LY6S: variants seen among roughly 807,000 people sequenced by gnomAD.
LY6S encodes the protein lymphocyte antigen 6 family member S, also known as lymphocyte antigen 6S.
At chr8:143,044,272 G>T in the LY6S span, 1 of 455,862 alleles carries the variant, frequency 2.2e-6, no homozygotes, top group South Asian at 1.5e-5. Context: ...AAGGGGCAGA[G>T]GTCACTGGGG....
the LY6S span, chr8:143,057,103 G>T: frequency 3.1e-6 from 1 of 318,224 alleles, no homozygotes; most frequent in Non-Finnish European, 6.4e-6. Flanking sequence ...TGCAACTTTA[G>T]TTGGTAGGAA....
the LY6S span, among the ~76,000 whole-genome samples, chr8:143,061,775 C>T: frequency 6.6e-6 from 1 of 152,194 alleles, no homozygotes; most frequent in African/African-American, 2.4e-5. Context: ...AACTCCTGAC[C>T]TCAGGTGATG....
At chr8:143,053,362 C>T in the LY6S span, 1 of 152,184 alleles carries the variant, frequency 6.6e-6, no homozygotes, top group Non-Finnish European at 1.5e-5. Flanking sequence ...CTGCCGTGCT[C>T]TAGGTGCTTT....
chr8:143,055,191 T>C, the LY6S span, among the ~76,000 whole-genome samples: 1 of 152,120 alleles, frequency 6.6e-6, no homozygotes, highest in Non-Finnish European at 1.5e-5. Context: ...AGACCAACTT[T>C]GTTTTTTTTT....
At chr8:143,043,649 G>C in the LY6S span, among the ~76,000 whole-genome samples, 1 of 152,024 alleles carries the variant, frequency 6.6e-6, no homozygotes, top group African/African-American at 2.4e-5. Flanking sequence ...TTGGGAAACA[G>C]CTGCGGGCTC....
At chr8:143,053,349 C>T in the LY6S span, 48 of 152,286 alleles carry the variant, frequency 3.2e-4, no homozygotes, top group Non-Finnish European at 5.7e-4. Context: ...TCTTGGTGCT[C>T]GCCTGCCGTG....
chr8:143,056,077 T>C, the LY6S span, among the ~76,000 whole-genome samples: 1 of 151,542 alleles, frequency 6.6e-6, no homozygotes, highest in African/African-American at 2.4e-5. Context: ...CTCATCTGTT[T>C]ACTCATGACA....
At chr8:143,050,948 G>A in the LY6S span, among the ~76,000 whole-genome samples, 9 of 152,364 alleles carry the variant, frequency 5.9e-5, no homozygotes, top group South Asian at 1.4e-3. Context: ...CTTCACGGGT[G>A]TGCGGACTCC....
chr8:143,060,961 C>T, the LY6S span, among the ~76,000 whole-genome samples: 13 of 143,488 alleles, frequency 9.1e-5, no homozygotes, highest in Non-Finnish European at 7.5e-5. Flanking sequence ...AAAAGAATAC[C>T]GTAAAGGAAA....
At chr8:143,057,646 G>A in the LY6S span, 1 of 1,011,240 alleles carries the variant, frequency 9.9e-7, no homozygotes, top group Non-Finnish European at 1.6e-6. Context: ...TGGGAGGGTT[G>A]AATTCAATGT....
the LY6S span, chr8:143,057,581 T>C: frequency 7.8e-7 from 1 of 1,280,788 alleles, no homozygotes; most frequent in Non-Finnish European, 1.1e-6. Flanking sequence ...CTCTGGTTTA[T>C]CATCCTCATG....
At chr8:143,043,256 G>T in the LY6S span, 1 of 1,363,356 alleles carries the variant, frequency 7.3e-7, no homozygotes, top group South Asian at 1.1e-5. Context: ...AGTCCACAAC[G>T]GCACTTGTAA....
chr8:143,052,377 A>G, the LY6S span, among the ~76,000 whole-genome samples: 1 of 152,174 alleles, frequency 6.6e-6, no homozygotes, highest in African/African-American at 2.4e-5. Flanking sequence ...TGGCAACCAC[A>G]ATAGAGTCAC....
chr8:143,054,155 A>G, the LY6S span: 1 of 151,972 alleles, frequency 6.6e-6, no homozygotes, highest in African/African-American at 2.4e-5. Flanking sequence ...AAATACAAAA[A>G]ATTAGCCAGG....
chr8:143,074,209 A>G, the LY6S span, among the ~76,000 whole-genome samples: 2 of 152,182 alleles, frequency 1.3e-5, no homozygotes, highest in Non-Finnish European at 2.9e-5. Context: ...ATTATCCATC[A>G]AAATAATATT....
At chr8:143,043,072 C>T in the LY6S span, 55 of 1,367,542 alleles carry the variant, frequency 4.0e-5, 1 homozygote, top group South Asian at 1.9e-4. Flanking sequence ...CAGCTGGTGA[C>T]GCACAGGGAC....
the LY6S span, among the ~76,000 whole-genome samples, chr8:143,069,841 C>T: frequency 2.6e-5 from 4 of 152,150 alleles, no homozygotes; most frequent in South Asian, 8.3e-4. Flanking sequence ...CGTCTACAAG[C>T]CCACCAGTAA....
At chr8:143,042,380 A>C in the LY6S span, 1 of 152,580 alleles carries the variant, frequency 6.6e-6, no homozygotes. Flanking sequence ...GACCATCCAG[A>C]GGCTCTCTGA....
chr8:143,049,976 A>C, the LY6S span, among the ~76,000 whole-genome samples: 1 of 152,124 alleles, frequency 6.6e-6, no homozygotes, highest in Non-Finnish European at 1.5e-5. Flanking sequence ...TCCTCCCGAA[A>C]CTGGGAGAAA....
Sources: gnomAD v4.1 joint callset for allele counts (sites outside exome capture counted in the v4.1 genomes callset) on GRCh38, gnomAD v4.1.1 for gene constraint, MANE v1.5 for transcripts, NCBI Gene and HGNC (gene_info 2026-07-23, HGNC 2026-07-21) for gene names.